TP63: variants seen among roughly 807,000 people sequenced by gnomAD.
TP63 encodes the protein tumor protein 63.
TP63 carries 17 observed loss-of-function variants against 82.8 expected under a neutral mutation model. That is an observed-to-expected ratio of 0.21 (90% CI 0.14 to 0.31). The LOEUF is 0.31. TP63 is among the 10% of genes least tolerant of loss of function. TP63 has a pLI of 1.00. For synonymous variants in TP63, 330 were observed against 321.7 expected (o/e 1.03, Z -0.28); for missense variants, 648 against 895.3 (o/e 0.72, Z 3.52).
intron 10 of TP63, among the ~76,000 whole-genome samples, chr3:189,874,981 C>CTT (rs200117233): frequency 3.5e-5 from 4 of 114,254 alleles, no homozygotes; most frequent in Non-Finnish European, 5.5e-5. Flanking sequence ...TCTTTCCTGT[C>CTT]TTTTTTTTTT....
At chr3:189,784,406 A>G (rs1343074942) in intron 3 of TP63, among the ~76,000 whole-genome samples, 1 of 152,096 alleles carries the variant, frequency 6.6e-6, no homozygotes, top group African/African-American at 2.4e-5. Context: ...CAGTGTTTGT[A>G]GATTCCAGTC....
intron 1 of TP63, among the ~76,000 whole-genome samples, chr3:189,683,311 A>G (rs978771659): frequency 2.6e-5 from 4 of 152,182 alleles, no homozygotes; most frequent in African/African-American, 9.7e-5. Flanking sequence ...TACAGATGAG[A>G]AAATATGCAC....
At chr3:189,835,286 A>G (rs1176056238) in intron 4 of TP63, among the ~76,000 whole-genome samples, 3 of 152,246 alleles carry the variant, frequency 2.0e-5, no homozygotes, top group African/African-American at 7.2e-5. Flanking sequence ...ATAAAAGGCT[A>G]AATGGGGAGA....
At chr3:189,855,014 A>G (rs1716113730) in intron 4 of TP63, among the ~76,000 whole-genome samples, 1 of 152,220 alleles carries the variant, frequency 6.6e-6, no homozygotes, top group East Asian at 1.9e-4. Flanking sequence ...TTGTAGTAGA[A>G]TAGAGCAGAA....
At chr3:189,636,218 C>A (rs1006186577) in intron 1 of TP63, among the ~76,000 whole-genome samples, 1 of 152,140 alleles carries the variant, frequency 6.6e-6, no homozygotes, top group East Asian at 1.9e-4. Context: ...CCATGCGCTG[C>A]GTCTGAGCGG....
intron 1 of TP63, among the ~76,000 whole-genome samples, chr3:189,647,484 C>G (rs1418374677): frequency 6.8e-6 from 1 of 147,016 alleles, no homozygotes; most frequent in Non-Finnish European, 1.5e-5. Flanking sequence ...AGGTCCTCCT[C>G]TGGTGCCTTC....
Position 189,866,318 on chromosome 3 carries a change from T to A in TP63, c.767-364T>A, listed in dbSNP as rs185840893. On this transcript the variant is annotated intron_variant, in intron 5 of 13. Coordinates refer to ENST00000264731, the MANE Select transcript of TP63 (RefSeq NM_003722.5). Reference sequence around the variant, plus strand: ...TTTCTCAGTTAAACTGATTTTTTTTTAAATTAATTTGCTTATTTCCCTTTC... The same window carrying A: ...TTTCTCAGTTAAACTGATTTTTTTTAAAATTAATTTGCTTATTTCCCTTTC... Among the ~76,000 whole-genome samples the A allele has an allele frequency of 7.7e-4, 118 of 152,306 alleles. 1 individual carries two copies. Among genetic ancestry groups the A allele is most frequent in the Middle Eastern group, 6.8e-3 (2 of 294 alleles).
chr3:189,755,678 C>T (rs1216381208), intron 3 of TP63, among the ~76,000 whole-genome samples: 1 of 152,054 alleles, frequency 6.6e-6, no homozygotes, highest in African/African-American at 2.4e-5. Flanking sequence ...ATTGTATAAA[C>T]ATGAGTCTAA....
At chr3:189,734,023 CTTTCTTTCT>C (rs902877841) in intron 1 of TP63, among the ~76,000 whole-genome samples, 3 of 151,770 alleles carry the variant, frequency 2.0e-5, no homozygotes, top group Admixed American at 2.0e-4. Flanking sequence ...AGTTTTCTTC[CTTTCTTTCT>C]TTTCTTTCTT....
intron 4 of TP63, among the ~76,000 whole-genome samples, chr3:189,847,702 G>A (rs1481446594): frequency 1.3e-5 from 2 of 152,172 alleles, no homozygotes; most frequent in Non-Finnish European, 2.9e-5. Flanking sequence ...ATTGAACCCA[G>A]GACCTGATGG....
intron 9 of TP63, among the ~76,000 whole-genome samples, chr3:189,872,400 AACACACACACACAC>A (rs60097753): frequency 6.8e-6 from 1 of 146,996 alleles, no homozygotes; most frequent in African/African-American, 2.5e-5. Flanking sequence ...AAGTTTCTCT[AACACACACACACAC>A]ACACACACAC....
intron 1 of TP63, among the ~76,000 whole-genome samples, chr3:189,682,470 G>A (rs1280796041): frequency 8.4e-5 from 12 of 142,598 alleles, no homozygotes; most frequent in African/African-American, 3.1e-4. Flanking sequence ...ACGATATTTT[G>A]CAAAAGCCTC....
intron 3 of TP63, among the ~76,000 whole-genome samples, chr3:189,798,773 A>C (rs1352526762): frequency 6.6e-6 from 1 of 152,112 alleles, no homozygotes; most frequent in Non-Finnish European, 1.5e-5. Context: ...GGTTTTGCTC[A>C]TATCTTTTAT....
intron 1 of TP63, among the ~76,000 whole-genome samples, chr3:189,691,577 A>G (rs1338874750): frequency 2.6e-5 from 4 of 152,096 alleles, no homozygotes; most frequent in Non-Finnish European, 1.5e-5. Context: ...ATGTCTCAAG[A>G]TATTTCCAAA....
intron 12 of TP63, 133 bp from the exon 13 acceptor site, chr3:189,890,656 A>G (rs937963912): frequency 8.2e-6 from 6 of 731,150 alleles, no homozygotes; most frequent in Admixed American, 4.1e-5. Flanking sequence ...CCACATATAT[A>G]TTACCCAATC....
In TP63 at chr3:189,635,669, T is replaced by C. The variant is rs1201493999; in HGVS notation, c.62+4092T>C. Among the ~76,000 whole-genome samples, 5 of 152,032 alleles carry C rather than the reference T, an allele frequency of 3.3e-5. No homozygotes were observed. The South Asian group carries it at 6.2e-4, about 19-fold the overall frequency. The stretch of plus-strand genomic sequence containing the variant: ...TTGAGTAGTTACTCCCTCCCCTTCC[T>C]TTTCTTCAAGCTTAGGAGGAGTAAC... On this transcript the variant is annotated intron_variant, in intron 1 of 13. Transcript: ENST00000264731.
chr3:189,631,372 G>A, upstream of TP63: 1 of 1,522,876 alleles, frequency 6.6e-7, no homozygotes, highest in South Asian at 1.2e-5. Flanking sequence ...GTATGAAGGA[G>A]AGAAGTGCCT....
chr3:189,743,697 G>A lies in TP63; in HGVS notation c.324+4923G>A, dbSNP rs116446120. On this transcript the variant is annotated intron_variant, in intron 3 of 13. Coordinates refer to ENST00000264731, the MANE Select transcript of TP63 (RefSeq NM_003722.5). ...TGGAGAGGAGCCAAAATGGCAAGTA[G>A]ATTGTCACATTTTGAATAGATTATC... is the stretch of plus-strand genomic sequence containing the variant. Among the ~76,000 whole-genome samples the A allele has an allele frequency of 6.8e-3, 1,030 of 152,308 alleles. 13 individuals are homozygous for A. The highest frequency in any genetic ancestry group is 0.024 in the African/African-American group (985 of 41,576).
chr3:189,793,743 A>G (rs1033742211), intron 3 of TP63, among the ~76,000 whole-genome samples: 2 of 152,114 alleles, frequency 1.3e-5, no homozygotes, highest in African/African-American at 4.8e-5. Flanking sequence ...GGTAACAAAA[A>G]GATACTTCTG....
Sources: gnomAD v4.1 joint callset for allele counts (sites outside exome capture counted in the v4.1 genomes callset) on GRCh38, gnomAD v4.1.1 for gene constraint, MANE v1.5 for transcripts, NCBI Gene and HGNC (gene_info 2026-07-23, HGNC 2026-07-21) for gene names.